The following KCNA2 variants were observed in gnomAD, a reference collection of about 807,000 sequenced individuals.
KCNA2 encodes the protein potassium voltage-gated channel subfamily A member 2, also known as potassium channel, voltage gated shaker related subfamily A, member 2.
Under a neutral mutation model 33.4 loss-of-function variants are expected in KCNA2, and 11 were observed. The ratio of observed to expected loss-of-function variants is 0.33; its 90% CI spans 0.21 to 0.55. KCNA2 has a LOEUF of 0.55. KCNA2 is among the 20% of genes least tolerant of loss of function. The pLI, the probability that KCNA2 is intolerant of heterozygous loss-of-function variation, is 0.93. For synonymous variants in KCNA2, 222 were observed against 231.3 expected, an observed-to-expected ratio of 0.96 and a Z score of 0.37; for missense variants, 291 against 621.6, an observed-to-expected ratio of 0.47 and a Z score of 5.66.
chr1:110,602,078 C>T lies in KCNA2; in HGVS notation c.*1205G>A, dbSNP rs535644191. 2.5e-5 allele frequency: 38 copies of T among 1,550,470 alleles called. No homozygotes were observed. The highest frequency in any genetic ancestry group is 9.8e-5 in the Admixed American group (5 of 50,992). On this transcript the variant is annotated 3_prime_UTR_variant, in exon 3 of 3. Transcript: ENST00000316361. ...CCCTGGTCCACTGTACAGTCATGCCCGCGACTAGGTTAATTCCTAAGGTGC... is the reference window on the plus strand; with the variant it reads ...CCCTGGTCCACTGTACAGTCATGCCTGCGACTAGGTTAATTCCTAAGGTGC...
At position 110,599,738 on chromosome 1, in the gene KCNA2, C is replaced by A; in HGVS notation, c.*3545G>T. On this transcript the variant is annotated 3_prime_UTR_variant, in exon 3 of 3. Coordinates refer to ENST00000316361, the MANE Select transcript of KCNA2 (RefSeq NM_004974.4). ...GCTCAAGATCCTGCAGTTTCTTGAG[C>A]CATTACTGCTTTTAAGAGAATAGGG... 1.3e-5 allele frequency: 13 copies of A among 985,382 alleles called. No individual in the cohort carries two copies. The highest frequency in any genetic ancestry group is 1.4e-5 in the Non-Finnish European group (12 of 829,958). The allele number at this position is 985,382 out of a possible 1,614,324, so 61.0% of individuals were successfully genotyped here. A position where few individuals can be genotyped will look rare whatever the true frequency, so the allele number is the denominator to read the frequency against.
chr1:110,627,056 G>A (rs1175684181), intron 1 of KCNA2, among the ~76,000 whole-genome samples: 1 of 152,172 alleles, frequency 6.6e-6, no homozygotes, highest in Non-Finnish European at 1.5e-5. Flanking sequence ...CGTGAAGGAG[G>A]AATTGCTGTC....
At position 110,601,922 on chromosome 1, in the gene KCNA2, A is replaced by C; in HGVS notation, c.*1361T>G. Reference sequence around the variant, plus strand: ...TTGCCCTTTGTCAAAAATATTGCATAAGCTTGTACAATGTTCAAATGCAAT... The same window carrying C: ...TTGCCCTTTGTCAAAAATATTGCATCAGCTTGTACAATGTTCAAATGCAAT... On this transcript the variant is annotated 3_prime_UTR_variant, in exon 3 of 3. Transcript: ENST00000316361. 1 of 1,470,292 alleles carries C rather than the reference A, an allele frequency of 6.8e-7. No homozygotes were observed. The highest frequency in any genetic ancestry group is 9.0e-7 in the Non-Finnish European group (1 of 1,113,020). The allele number at this position is 1,470,292 out of a possible 1,614,324, so 91.1% of individuals were successfully genotyped here. A position where few individuals can be genotyped will look rare whatever the true frequency, so the allele number is the denominator to read the frequency against.
In KCNA2 at chr1:110,600,570, T is replaced by C. The variant is rs77888088; in HGVS notation, c.*2713A>G. 355 of 985,418 alleles carry C rather than the reference T, an allele frequency of 3.6e-4. 4 individuals are homozygous for C. The East Asian group carries it at 0.028, about 78-fold the overall frequency. 61.0% of individuals were successfully genotyped at this position (985,418 alleles called of 1,614,324 possible). The stretch of plus-strand genomic sequence containing the variant: ...ACGTTACATGTTTTATGTTTGTGTG[T>C]GACAACAGTGTACCTATTTTGTGGT... On this transcript the variant is annotated 3_prime_UTR_variant, in exon 3 of 3. Coordinates refer to ENST00000316361, the MANE Select transcript of KCNA2 (RefSeq NM_004974.4).
In KCNA2 at chr1:110,603,428, G is replaced by A; in HGVS notation, c.1355C>T (p.Thr452Ile). ...PDLKKSRSASTISKSDYMEIQ... is the reference protein window; with the variant it reads ...PDLKKSRSASIISKSDYMEIQ... ...CTCCATGTAATCAGACTTACTAATG[G>A]TAGAGGCACTTCTACTTTTCTTTAG... The change falls in exon 3 of 3, where the codon ACC becomes ATC. Residue 452 changes from threonine (T) to isoleucine (I), a missense_variant. Transcript: ENST00000316361. This position sits in a 1 kb window ranked among gnomAD's most constrained non-coding sequence, Gnocchi z 5.7. 4 of 1,614,060 alleles carry A rather than the reference G, an allele frequency of 2.5e-6. No homozygotes were observed. The highest frequency in any genetic ancestry group is 2.2e-5 in the South Asian group (2 of 91,070).
chr1:110,600,366 GT>G lies in KCNA2; in HGVS notation c.*2916del. 4 of 984,506 alleles carry G rather than the reference GT, an allele frequency of 4.1e-6. No individual in the cohort carries two copies. The highest frequency in any genetic ancestry group is 4.8e-6 in the Non-Finnish European group (4 of 829,742). The allele number at this position is 984,506 out of a possible 1,614,324, so 61.0% of individuals were successfully genotyped here. A position where few individuals can be genotyped will look rare whatever the true frequency, so the allele number is the denominator to read the frequency against. ...TATGCATATGCATTTTGTCCATGTAGTTTTTTATGTATTTTGCATCTGAGTT... is the reference window on the plus strand; with the variant it reads ...TATGCATATGCATTTTGTCCATGTAGTTTTTATGTATTTTGCATCTGAGTT... On this transcript the variant is annotated 3_prime_UTR_variant, in exon 3 of 3. Coordinates refer to ENST00000316361, the MANE Select transcript of KCNA2 (RefSeq NM_004974.4).
At position 110,598,552 on chromosome 1, in the gene KCNA2, T is replaced by C; in HGVS notation, c.*4731A>G. 6 of 985,318 alleles carry C rather than the reference T, an allele frequency of 6.1e-6. No individual in the cohort carries two copies. The highest frequency in any genetic ancestry group is 7.2e-6 in the Non-Finnish European group (6 of 829,928). 61.0% of individuals were successfully genotyped at this position (985,318 alleles called of 1,614,324 possible). A position where few individuals can be genotyped will look rare whatever the true frequency, so the allele number is the denominator to read the frequency against. On this transcript the variant is annotated 3_prime_UTR_variant, in exon 3 of 3. Coordinates refer to ENST00000316361, the MANE Select transcript of KCNA2 (RefSeq NM_004974.4). ...TCCAGGAAGAATAGGTAGAACAAGC[T>C]AGTCCTGGGCCCTCCCAACACGGAG...
At position 110,602,588 on chromosome 1, in the gene KCNA2, T is replaced by C. The variant is rs1275832257; in HGVS notation, c.*695A>G. On this transcript the variant is annotated 3_prime_UTR_variant, in exon 3 of 3. Transcript: ENST00000316361. Reference sequence around the variant, plus strand: ...CTGTTGGTTTGTTAGCTTCTCCCCATAGGCCTAAGGGAACAAATGTGAAAC... The same window carrying C: ...CTGTTGGTTTGTTAGCTTCTCCCCACAGGCCTAAGGGAACAAATGTGAAAC... The C allele has an allele frequency of 2.3e-5, 23 of 1,021,874 alleles. No individual in the cohort carries two copies. The highest frequency in any genetic ancestry group is 2.6e-5 in the Non-Finnish European group (22 of 853,236). The allele number at this position is 1,021,874 out of a possible 1,614,324, so 63.3% of individuals were successfully genotyped here.
rs763912060 is a variant in KCNA2 at position 110,601,828 on chromosome 1, G to GTGTGTGTGTGTGTGTA, written c.*1454_*1455insTACACACACACACACA. The GTGTGTGTGTGTGTGTA allele has an allele frequency of 1.5e-4, 182 of 1,243,696 alleles. No homozygotes were observed. The East Asian group carries it at 2.3e-3, about 16-fold the overall frequency. 77.0% of individuals were successfully genotyped at this position (1,243,696 alleles called of 1,614,324 possible). On this transcript the variant is annotated 3_prime_UTR_variant, in exon 3 of 3. Transcript: ENST00000316361. ...TGTGTGTGTGTGTGTGTGTGTGTGT[G>GTGTGTGTGTGTGTGTA]TATACATATACACACATATGTATGT...
Position 110,593,781 on chromosome 1 carries a change from T to G in KCNA2, c.*9502A>C, listed in dbSNP as rs1648966901. On this transcript the variant is annotated 3_prime_UTR_variant, in exon 3 of 3. Coordinates refer to ENST00000316361, the MANE Select transcript of KCNA2 (RefSeq NM_004974.4). The stretch of plus-strand genomic sequence containing the variant: ...TATGTACACATATATGTATAACCTA[T>G]GTACAAATATCAGACCCTACTGACA... 7.5e-7 allele frequency: 1 copy of G among 1,330,438 alleles called. No individual in the cohort carries two copies. Among genetic ancestry groups the G allele is most frequent in the Admixed American group, 2.1e-5 (1 of 47,234 alleles). 82.4% of individuals were successfully genotyped at this position (1,330,438 alleles called of 1,614,324 possible). A position where few individuals can be genotyped will look rare whatever the true frequency, so the allele number is the denominator to read the frequency against.
intron 1 of KCNA2, among the ~76,000 whole-genome samples, chr1:110,621,934 A>C (rs922777588): frequency 1.3e-5 from 2 of 152,198 alleles, no homozygotes; most frequent in African/African-American, 4.8e-5. Flanking sequence ...CAAATGTTTA[A>C]GGAAGAAATA....
chr1:110,630,722 C>T (rs908608604), intron 1 of KCNA2, among the ~76,000 whole-genome samples: 2 of 152,182 alleles, frequency 1.3e-5, no homozygotes, highest in Non-Finnish European at 2.9e-5. Context: ...AGACCTTATG[C>T]TAAGTGCTGT....
At chr1:110,620,047 C>CGA (rs1171890486) in intron 1 of KCNA2, among the ~76,000 whole-genome samples, 8 of 68,888 alleles carry the variant, frequency 1.2e-4, no homozygotes, top group South Asian at 6.5e-4. Flanking sequence ...AGAGAGAGAG[C>CGA]GAGAGCGAGA....
Position 110,599,171 on chromosome 1 carries a change from G to A in KCNA2, c.*4112C>T, listed in dbSNP as rs368902105. ...GGAGCAGAAATCAGGAGTGAGGCCT[G>A]ATCCAAAGCCTGACTGCAACTCTTT... On this transcript the variant is annotated 3_prime_UTR_variant, in exon 3 of 3. Transcript: ENST00000316361. 1.0e-6 allele frequency: 1 copy of A among 985,426 alleles called. No homozygotes were observed. The highest frequency in any genetic ancestry group is 1.7e-5 in the African/African-American group (1 of 57,350). 61.0% of individuals were successfully genotyped at this position (985,426 alleles called of 1,614,324 possible). A position where few individuals can be genotyped will look rare whatever the true frequency, so the allele number is the denominator to read the frequency against.
chr1:110,594,450 A>G lies in KCNA2; in HGVS notation c.*8833T>C. On this transcript the variant is annotated 3_prime_UTR_variant, in exon 3 of 3. Transcript: ENST00000316361. ...TCCTCCACTCATGAGCTTTACAGCT[A>G]TGTCCCTGATGAAAACTAGAGAATC... 1.0e-6 allele frequency: 1 copy of G among 985,418 alleles called. No individual in the cohort carries two copies. Among genetic ancestry groups the G allele is most frequent in the Non-Finnish European group, 1.2e-6 (1 of 829,944 alleles). The allele number at this position is 985,418 out of a possible 1,614,324, so 61.0% of individuals were successfully genotyped here.
In KCNA2 at chr1:110,594,479, C is replaced by T; in HGVS notation, c.*8804G>A. On this transcript the variant is annotated 3_prime_UTR_variant, in exon 3 of 3. Coordinates refer to ENST00000316361, the MANE Select transcript of KCNA2 (RefSeq NM_004974.4). ...CCCTGATGAAAACTAGAGAATCTTCCTTGATTGCTGGCACCATTAATCGCA... is the reference window on the plus strand; with the variant it reads ...CCCTGATGAAAACTAGAGAATCTTCTTTGATTGCTGGCACCATTAATCGCA... 3 of 985,382 alleles carry T rather than the reference C, an allele frequency of 3.0e-6. No homozygotes were observed. The highest frequency in any genetic ancestry group is 3.6e-6 in the Non-Finnish European group (3 of 829,958). 61.0% of individuals were successfully genotyped at this position (985,382 alleles called of 1,614,324 possible).
In KCNA2 at chr1:110,621,424, C is replaced by A. The variant is rs531530520; in HGVS notation, c.-496+9971G>T. Among the ~76,000 whole-genome samples the A allele has an allele frequency of 3.3e-5, 5 of 152,170 alleles. No individual in the cohort carries two copies. In the South Asian group the frequency reaches 1.0e-3, roughly 32 times the overall value. On this transcript the variant is annotated intron_variant, in intron 1 of 4. Coordinates refer to the KCNA2 transcript ENST00000369770. ...AGAAAAGAAGATCTTACATCAATGA[C>A]CTCGTTTCCAACTTAAGAAACTAGA...
At position 110,600,657 on chromosome 1, in the gene KCNA2, A is replaced by C; in HGVS notation, c.*2626T>G. The C allele has an allele frequency of 1.0e-6, 1 of 985,380 alleles. No homozygotes were observed. The highest frequency in any genetic ancestry group is 1.2e-6 in the Non-Finnish European group (1 of 829,922). 61.0% of individuals were successfully genotyped at this position (985,380 alleles called of 1,614,324 possible). On this transcript the variant is annotated 3_prime_UTR_variant, in exon 3 of 3. Transcript: ENST00000316361. ...TGGGCCAAGGACACTGTGATAAGATATCTATCCCTGACCTAGGCCTCAGAT... is the reference window on the plus strand; with the variant it reads ...TGGGCCAAGGACACTGTGATAAGATCTCTATCCCTGACCTAGGCCTCAGAT...
chr1:110,617,572 GGA>G, intron 1 of KCNA2, among the ~76,000 whole-genome samples: 1 of 152,350 alleles, frequency 6.6e-6, no homozygotes, highest in Non-Finnish European at 1.5e-5. Flanking sequence ...CTGGTAAGGA[GGA>G]GGTTGCTTCC....
Sources: allele counts gnomAD v4.1 joint callset (sites outside exome capture counted in the v4.1 genomes callset), GRCh38; gene constraint gnomAD v4.1.1; non-coding constraint Gnocchi (gnomAD v3.1); transcripts MANE v1.5; gene names NCBI Gene and HGNC (gene_info 2026-07-23, HGNC 2026-07-21).